Variants in MAPK10 observed in about 807,000 individuals in gnomAD.
The protein encoded by MAPK10 is JNK3 alpha protein kinase.
MAPK10 carries 25 observed loss-of-function variants against 59.3 expected under a neutral mutation model. The observed-to-expected ratio is 0.42, with a 90% confidence interval of 0.31 to 0.59. The LOEUF (loss-of-function observed/expected upper bound fraction) is 0.59, where lower values mean the gene tolerates loss of function less well. Among genes scored for constraint, MAPK10 ranks in the 20% least tolerant of loss-of-function variants. MAPK10 has a pLI of 0.15. For missense variants in MAPK10, 351 were observed against 568.9 expected, an observed-to-expected ratio of 0.62 and a Z score of 3.90; for synonymous variants, 190 against 200.5, an observed-to-expected ratio of 0.95 and a Z score of 0.44.
chr4:86,396,098 C>T (rs185313238), intron 1 of MAPK10, among the ~76,000 whole-genome samples: 344 of 152,336 alleles, frequency 2.3e-3, no homozygotes, highest in African/African-American at 7.8e-3. Context: ...GTAATCCCAG[C>T]ACTTTGGGAG....
At chr4:86,062,622 A>G (rs1373487955) in intron 11 of MAPK10, among the ~76,000 whole-genome samples, 1 of 152,176 alleles carries the variant, frequency 6.6e-6, no homozygotes, top group African/African-American at 2.4e-5. Context: ...TATGCCACAT[A>G]GTGAGGCATA....
intron 2 of MAPK10, among the ~76,000 whole-genome samples, chr4:86,286,586 G>A (rs1443157992): frequency 6.6e-6 from 1 of 152,188 alleles, no homozygotes; most frequent in Non-Finnish European, 1.5e-5. Context: ...GCAGAGAGAA[G>A]TGAGGAAACT....
At position 86,355,873 on chromosome 4, in the gene MAPK10, T is replaced by C. The variant is rs115494747; in HGVS notation, c.-121-1229A>G. On this transcript the variant is annotated intron_variant, in intron 1 of 13. Transcript: ENST00000641462. ...CAATGCTTTCAGATCCTATTTCCAA[T>C]GTATAAGAAGAGGACAATTGCTTTA... is the stretch of plus-strand genomic sequence containing the variant. Among the ~76,000 whole-genome samples the C allele has an allele frequency of 8.8e-3, 1,345 of 152,250 alleles. 17 individuals are homozygous for C. The highest frequency in any genetic ancestry group is 0.03 in the African/African-American group (1,260 of 41,546).
chr4:86,017,386 G>T lies in MAPK10; in HGVS notation c.1253-16C>A. ...ACTGCTGCACCTGTGCTAAGAAAAT[G>T]AAGACCAACATGACTCAATCTAGAA... On this transcript the variant is annotated splice_polypyrimidine_tract_variant and intron_variant, in intron 13 of 13. Transcript: ENST00000641462. The surrounding 1 kb of genome is among the most constrained non-coding windows in gnomAD (Gnocchi z 4.4). 1.2e-6 allele frequency: 2 copies of T among 1,613,718 alleles called. No homozygotes were observed. The highest frequency in any genetic ancestry group is 1.1e-5 in the South Asian group (1 of 91,036).
At chr4:86,503,207 T>C (rs1373719970) in intron 1 of MAPK10, among the ~76,000 whole-genome samples, 2 of 152,140 alleles carry the variant, frequency 1.3e-5, no homozygotes, top group Non-Finnish European at 2.9e-5. Flanking sequence ...TTTCTCATCA[T>C]GCAATTTCAA....
chr4:86,395,467 G>C (rs1366702281), intron 1 of MAPK10, among the ~76,000 whole-genome samples: 1 of 152,108 alleles, frequency 6.6e-6, no homozygotes, highest in Non-Finnish European at 1.5e-5. Flanking sequence ...AATGCCAAGA[G>C]GAGCAAAAGA....
chr4:86,120,492 A>G (rs2059057239), intron 4 of MAPK10: 2 of 152,212 alleles, frequency 1.3e-5, no homozygotes, highest in African/African-American at 4.8e-5. Flanking sequence ...AGATGAATGG[A>G]AAGAAAATGG....
chr4:86,311,819 T>A (rs2095675256), intron 2 of MAPK10, among the ~76,000 whole-genome samples: 1 of 152,112 alleles, frequency 6.6e-6, no homozygotes, highest in South Asian at 2.1e-4. Flanking sequence ...GTCTGGGTGT[T>A]AAAATCACTG....
At chr4:86,467,236 T>C (rs1339657066) in intron 1 of MAPK10, among the ~76,000 whole-genome samples, 1 of 152,228 alleles carries the variant, frequency 6.6e-6, no homozygotes. Flanking sequence ...TGGAGTCATT[T>C]GTGCCAAGTG....
At chr4:86,413,419 G>C (rs1745454681) in intron 1 of MAPK10, among the ~76,000 whole-genome samples, 1 of 152,182 alleles carries the variant, frequency 6.6e-6, no homozygotes, top group Non-Finnish European at 1.5e-5. Flanking sequence ...CGCCATGCTG[G>C]GAGAACCATT....
chr4:86,085,113 CATAAAT>C (rs2051493968), intron 9 of MAPK10, among the ~76,000 whole-genome samples: 1 of 152,156 alleles, frequency 6.6e-6, no homozygotes, highest in Non-Finnish European at 1.5e-5. Context: ...GAATTAAAGA[CATAAAT>C]ATAAGGCTTC....
In MAPK10 at chr4:86,550,406, A is replaced by C. The variant is rs990135087; in HGVS notation, c.-263+43504T>G. Among the ~76,000 whole-genome samples the C allele has an allele frequency of 8.2e-3, 1,077 of 131,594 alleles. 6 individuals carry two copies. Among genetic ancestry groups the C allele is most frequent in the Non-Finnish European group, 0.013 (747 of 59,320 alleles). 86.3% of individuals were successfully genotyped at this position (131,594 alleles called of 152,430 possible). ...AAAAAAAAAAAAAAAAAAAAAAAAA[A>C]AAAAACTCCAGGCCAGGCACAGTGG... is the stretch of plus-strand genomic sequence containing the variant. On this transcript the variant is annotated intron_variant, in intron 1 of 4. Coordinates refer to the MAPK10 transcript ENST00000502302.
intron 13 of MAPK10, chr4:86,028,770 T>C (rs1751639700): frequency 9.8e-6 from 2 of 203,442 alleles, no homozygotes; most frequent in Admixed American, 5.4e-5. Context: ...TCTTGGTAGA[T>C]GTTTCAACTA....
chr4:86,542,425 C>T (rs918518903), intron 1 of MAPK10: 1 of 152,432 alleles, frequency 6.6e-6, no homozygotes, highest in Non-Finnish European at 1.5e-5. Context: ...GCTTCAACTC[C>T]CTAGCTGGAC....
chr4:86,278,357 A>T (rs2094663011), intron 2 of MAPK10, among the ~76,000 whole-genome samples: 2 of 152,200 alleles, frequency 1.3e-5, no homozygotes, highest in South Asian at 4.1e-4. Flanking sequence ...GTCTACTCCA[A>T]AATATGAACA....
intron 1 of MAPK10, among the ~76,000 whole-genome samples, chr4:86,560,609 A>G (rs1760604466): frequency 6.6e-6 from 1 of 152,190 alleles, no homozygotes. Flanking sequence ...ACCATTCATC[A>G]CCCTTATCTC....
intron 2 of MAPK10, among the ~76,000 whole-genome samples, chr4:86,353,924 C>T (rs1242095263): frequency 2.0e-5 from 3 of 152,078 alleles, no homozygotes; most frequent in Admixed American, 6.6e-5. Context: ...AGACATTCTA[C>T]CTGTGTGTGC....
upstream of MAPK10, chr4:86,457,819 C>T (rs899627633): frequency 3.9e-5 from 6 of 151,980 alleles, no homozygotes; most frequent in African/African-American, 1.5e-4. Context: ...TCCTAAAATC[C>T]ATACGGAACC....
intron 2 of MAPK10, among the ~76,000 whole-genome samples, chr4:86,256,096 T>G (rs2093695232): frequency 6.6e-6 from 1 of 152,218 alleles, no homozygotes; most frequent in Admixed American, 6.5e-5. Flanking sequence ...GAACCTCATT[T>G]ATAGCAAGCA....
Sources: gnomAD v4.1 joint callset for allele counts (sites outside exome capture counted in the v4.1 genomes callset) on GRCh38, gnomAD v4.1.1 for gene constraint, Gnocchi (gnomAD v3.1) non-coding constraint, MANE v1.5 for transcripts, NCBI Gene and HGNC (gene_info 2026-07-23, HGNC 2026-07-21) for gene names.